VOPP1: variants seen among roughly 807,000 people sequenced by gnomAD.
VOPP1 encodes VOPP1 WW domain binding protein.
Under a neutral mutation model 23.5 loss-of-function variants are expected in VOPP1, and 8 were observed. The ratio of observed to expected loss-of-function variants is 0.34; its 90% CI spans 0.20 to 0.61. VOPP1 has a LOEUF of 0.61. Among genes scored for constraint, VOPP1 ranks in the 20% least tolerant of loss-of-function variants. VOPP1 has a pLI of 0.78. For synonymous variants in VOPP1, 83 were observed against 97.3 expected, an observed-to-expected ratio of 0.85 and a Z score of 0.86; for missense variants, 174 against 238.1, an observed-to-expected ratio of 0.73 and a Z score of 1.77.
intron 4 of VOPP1, among the ~76,000 whole-genome samples, chr7:55,464,220 T>C (rs543764677): frequency 1.8e-4 from 27 of 152,270 alleles, no homozygotes; most frequent in Non-Finnish European, 2.6e-4. Flanking sequence ...GATAGGCTGA[T>C]CCCATGGTCA....
At chr7:55,505,869 CA>C (rs1794690412) in intron 2 of VOPP1, among the ~76,000 whole-genome samples, 1 of 152,148 alleles carries the variant, frequency 6.6e-6, no homozygotes, top group African/African-American at 2.4e-5. Context: ...ATAACAGTTA[CA>C]AATCCACCTA....
intron 4 of VOPP1, among the ~76,000 whole-genome samples, chr7:55,442,003 TTTAA>T (rs1790976865): frequency 6.6e-6 from 1 of 152,242 alleles, no homozygotes; most frequent in African/African-American, 2.4e-5. Flanking sequence ...ATTTAATGCA[TTTAA>T]TTGCTTGAGT....
At chr7:55,482,205 A>T (rs1226082256) in intron 4 of VOPP1, among the ~76,000 whole-genome samples, 4 of 152,114 alleles carry the variant, frequency 2.6e-5, no homozygotes, top group African/African-American at 7.2e-5. Flanking sequence ...GATAAGCGGG[A>T]GGAAGGGAAT....
At chr7:55,569,400 A>T (rs550421068) in intron 1 of VOPP1, among the ~76,000 whole-genome samples, 1 of 152,306 alleles carries the variant, frequency 6.6e-6, no homozygotes, top group South Asian at 2.1e-4. Context: ...TCTAAGGGGA[A>T]TACACTTTCC....
chr7:55,436,784 C>T (rs997293053), intron 4 of VOPP1, among the ~76,000 whole-genome samples: 7 of 152,146 alleles, frequency 4.6e-5, no homozygotes, highest in African/African-American at 7.2e-5. Context: ...TCCTAAACCA[C>T]AGTTTCAGGC....
chr7:55,517,251 A>C (rs1413349534), intron 2 of VOPP1, among the ~76,000 whole-genome samples: 2 of 151,462 alleles, frequency 1.3e-5, no homozygotes, highest in Non-Finnish European at 2.9e-5. Flanking sequence ...GCCCGGCCTA[A>C]TTTAAGTTTT....
intron 2 of VOPP1, among the ~76,000 whole-genome samples, chr7:55,503,609 C>A (rs1463904934): frequency 1.3e-5 from 2 of 152,202 alleles, no homozygotes; most frequent in African/African-American, 4.8e-5. Context: ...TGAAAGGCTA[C>A]CCCGCAATGG....
intron 2 of VOPP1, among the ~76,000 whole-genome samples, chr7:55,502,249 C>T (rs6969808): frequency 0.016 from 2,450 of 152,336 alleles, 68 homozygotes; most frequent in African/African-American, 0.056. Context: ...AGAACATACC[C>T]GTCCTAGAAT....
chr7:55,476,214 G>A (rs1369402755), intron 4 of VOPP1, among the ~76,000 whole-genome samples: 2 of 152,200 alleles, frequency 1.3e-5, no homozygotes, highest in Non-Finnish European at 1.5e-5. Flanking sequence ...TACTTTGAAC[G>A]TCATCATCTC....
At chr7:55,515,676 G>A (rs560919365) in intron 2 of VOPP1, among the ~76,000 whole-genome samples, 73 of 152,220 alleles carry the variant, frequency 4.8e-4, no homozygotes, top group African/African-American at 1.7e-3. Flanking sequence ...CTCCTCCCAT[G>A]CCACTCCACT....
chr7:55,560,339 G>GT (rs1271588835), intron 1 of VOPP1, among the ~76,000 whole-genome samples: 1 of 152,192 alleles, frequency 6.6e-6, no homozygotes, highest in African/African-American at 2.4e-5. Flanking sequence ...CTTTGCAGAC[G>GT]TGATTAAGTT....
Position 55,445,911 on chromosome 7 carries a change from G to A in VOPP1, n.418-9737C>T, listed in dbSNP as rs182776817. On this transcript the variant is annotated intron_variant and non_coding_transcript_variant, in intron 4 of 4. Transcript: ENST00000462326. ...CACATGTAGCTAGTGGCTATGTATT[G>A]GGCAGTGCCTGTGTAGAACATTTCC... Among the ~76,000 whole-genome samples, 14 of 152,246 alleles carry A rather than the reference G, an allele frequency of 9.2e-5. No homozygotes were observed. The South Asian group carries it at 2.7e-3, about 29-fold the overall frequency.
chr7:55,534,656 C>T (rs1443047047), intron 1 of VOPP1, among the ~76,000 whole-genome samples: 1 of 152,214 alleles, frequency 6.6e-6, no homozygotes, highest in African/African-American at 2.4e-5. Context: ...GTGTCCTGCC[C>T]ACAAAAGAAC....
chr7:55,517,328 G>C (rs570709467), intron 2 of VOPP1, among the ~76,000 whole-genome samples: 1 of 152,010 alleles, frequency 6.6e-6, no homozygotes, highest in East Asian at 1.9e-4. Flanking sequence ...TACCACTGCT[G>C]CATGAGGCAT....
At chr7:55,501,687 G>T (rs930416736) in intron 2 of VOPP1, among the ~76,000 whole-genome samples, 5 of 152,040 alleles carry the variant, frequency 3.3e-5, no homozygotes, top group African/African-American at 1.2e-4. Context: ...TCTCAAATTG[G>T]ACACTCAGCT....
chr7:55,571,285 T>C (rs1798344979), intron 1 of VOPP1, among the ~76,000 whole-genome samples: 2 of 152,184 alleles, frequency 1.3e-5, no homozygotes, highest in South Asian at 2.1e-4. Context: ...CATTTTGTAA[T>C]AATTACTTTT....
intron 1 of VOPP1, among the ~76,000 whole-genome samples, chr7:55,541,238 T>A (rs2129050937): frequency 6.6e-6 from 1 of 152,340 alleles, no homozygotes; most frequent in Non-Finnish European, 1.5e-5. Context: ...ACACTTTAAG[T>A]GGATGAATTA....
At chr7:55,480,689 A>T (rs1489212340) in intron 4 of VOPP1, among the ~76,000 whole-genome samples, 1 of 152,170 alleles carries the variant, frequency 6.6e-6, no homozygotes, top group African/African-American at 2.4e-5. Flanking sequence ...CTTTTTCATA[A>T]ACTTTTAACA....
chr7:55,462,793 C>A (rs1163753450), intron 4 of VOPP1, among the ~76,000 whole-genome samples: 1 of 149,912 alleles, frequency 6.7e-6, no homozygotes, highest in Non-Finnish European at 1.5e-5. Context: ...GTAGCTGGGA[C>A]TACAGGCGCC....
Sources: allele counts gnomAD v4.1 joint callset (sites outside exome capture counted in the v4.1 genomes callset), GRCh38; gene constraint gnomAD v4.1.1; transcripts MANE v1.5; gene names NCBI Gene and HGNC (gene_info 2026-07-23, HGNC 2026-07-21).